The following TENM2 variants were observed in gnomAD, a reference collection of about 807,000 sequenced individuals.
TENM2 encodes the protein teneurin transmembrane protein 2.
TENM2 carries 52 observed loss-of-function variants against 245.2 expected under a neutral mutation model. That is an observed-to-expected ratio of 0.21 (90% CI 0.17 to 0.27). The LOEUF is 0.27. TENM2 is among the 10% of genes least tolerant of loss of function. TENM2 has a pLI of 1.00. For synonymous variants in TENM2, 1,363 were observed against 1,438.9 expected (o/e 0.95, Z 1.19); for missense variants, 3,046 against 3,666.8 (o/e 0.83, Z 4.37).
At chr5:167,841,607 TAAG>T (rs933705605) in intron 2 of TENM2, among the ~76,000 whole-genome samples, 6 of 152,184 alleles carry the variant, frequency 3.9e-5, no homozygotes, top group Non-Finnish European at 7.3e-5. Flanking sequence ...GTGTCTTTCC[TAAG>T]AAGAAGGACA....
chr5:167,831,709 T>G (rs1158314729), intron 2 of TENM2, among the ~76,000 whole-genome samples: 1 of 152,190 alleles, frequency 6.6e-6, no homozygotes, highest in Non-Finnish European at 1.5e-5. Flanking sequence ...TGCAGCAATT[T>G]TCCCAACAGT....
the TENM2 span, among the ~76,000 whole-genome samples, chr5:167,105,118 A>G: frequency 6.6e-6 from 1 of 152,210 alleles, no homozygotes; most frequent in African/African-American, 2.4e-5. Flanking sequence ...GATAAAATGC[A>G]TTTAATTAGG....
At chr5:167,234,038 A>G in the TENM2 span, among the ~76,000 whole-genome samples, 2 of 152,194 alleles carry the variant, frequency 1.3e-5, no homozygotes, top group Admixed American at 6.5e-5. Flanking sequence ...AAGTAAAAGC[A>G]CTTTAAAATG....
the TENM2 span, among the ~76,000 whole-genome samples, chr5:167,051,508 T>A: frequency 6.6e-6 from 1 of 152,134 alleles, no homozygotes; most frequent in Non-Finnish European, 1.5e-5. Context: ...ATTTTGGCTA[T>A]AGTGTTTTCC....
chr5:167,901,603 G>A (rs977399926), intron 3 of TENM2, among the ~76,000 whole-genome samples: 7 of 152,142 alleles, frequency 4.6e-5, no homozygotes, highest in African/African-American at 1.7e-4. Flanking sequence ...ATTGTGAGAA[G>A]GAATAAATTA....
chr5:168,017,027 A>C (rs2152092334), intron 5 of TENM2, among the ~76,000 whole-genome samples: 1 of 152,284 alleles, frequency 6.6e-6, no homozygotes, highest in South Asian at 2.1e-4. Flanking sequence ...ATCTCCTAGA[A>C]GGCACCCTGC....
chr5:167,425,447 T>C (rs568971773), intron 2 of TENM2, among the ~76,000 whole-genome samples: 1 of 152,282 alleles, frequency 6.6e-6, no homozygotes, highest in East Asian at 1.9e-4. Context: ...TAGCACTCAG[T>C]GAGGGCTTAC....
chr5:167,943,451 C>G (rs988245973), intron 3 of TENM2, among the ~76,000 whole-genome samples: 6 of 152,034 alleles, frequency 3.9e-5, no homozygotes, highest in African/African-American at 1.2e-4. Flanking sequence ...AGTTAAAGAC[C>G]TAAAGAATGG....
chr5:167,502,382 A>C (rs1465138490), intron 2 of TENM2, among the ~76,000 whole-genome samples: 1 of 152,170 alleles, frequency 6.6e-6, no homozygotes, highest in African/African-American at 2.4e-5. Context: ...ATGAAAGAGA[A>C]ATGTATTATA....
Position 167,838,285 on chromosome 5 carries a change from G to A in TENM2, c.503-37701G>A, listed in dbSNP as rs560068227. Reference sequence around the variant, plus strand: ...GTATCTTCAAACAAATGTTCCAGCCGAGATATTTATGGGATTCTCTACAGG... The same window carrying A: ...GTATCTTCAAACAAATGTTCCAGCCAAGATATTTATGGGATTCTCTACAGG... On this transcript the variant is annotated intron_variant, in intron 2 of 28. Transcript: ENST00000518659. Among the ~76,000 whole-genome samples, 134 of 152,290 alleles carry A rather than the reference G, an allele frequency of 8.8e-4. 2 individuals carry two copies. The highest frequency in any genetic ancestry group is 2.9e-3 in the African/African-American group (121 of 41,566).
intron 2 of TENM2, among the ~76,000 whole-genome samples, chr5:167,541,907 G>A (rs1772235516): frequency 6.6e-6 from 1 of 152,160 alleles, no homozygotes; most frequent in South Asian, 2.1e-4. Flanking sequence ...ATTGCTTTAG[G>A]GGATTGTTAG....
intron 5 of TENM2, among the ~76,000 whole-genome samples, chr5:168,008,862 G>C (rs537465202): frequency 6.6e-6 from 1 of 152,128 alleles, no homozygotes; most frequent in Non-Finnish European, 1.5e-5. Context: ...TTCTACCAAG[G>C]CTGGCCAGAA....
the TENM2 span, among the ~76,000 whole-genome samples, chr5:166,993,126 A>AT: frequency 6.6e-6 from 1 of 151,854 alleles, no homozygotes; most frequent in Non-Finnish European, 1.5e-5. Flanking sequence ...GCAACTTGCT[A>AT]TTTTGAAATT....
intron 2 of TENM2, among the ~76,000 whole-genome samples, chr5:167,807,211 C>T (rs1458663768): frequency 9.3e-6 from 1 of 107,264 alleles, no homozygotes; most frequent in Non-Finnish European, 1.9e-5. Flanking sequence ...GCTGTCACCT[C>T]CCAGTAGCTG....
chr5:167,184,121 C>T, the TENM2 span, among the ~76,000 whole-genome samples: 1 of 152,186 alleles, frequency 6.6e-6, no homozygotes, highest in African/African-American at 2.4e-5. Context: ...GAGAATTATA[C>T]TAATTCCTGT....
intron 2 of TENM2, among the ~76,000 whole-genome samples, chr5:167,568,157 C>T (rs187974083): frequency 6.6e-6 from 1 of 152,024 alleles, no homozygotes; most frequent in African/African-American, 2.4e-5. Flanking sequence ...TTAAAATGTT[C>T]TCGGCAATGG....
At chr5:168,221,752 T>A (rs1763689546) in intron 23 of TENM2, among the ~76,000 whole-genome samples, 2 of 152,162 alleles carry the variant, frequency 1.3e-5, no homozygotes, top group African/African-American at 4.8e-5. Context: ...TGATTTAGTT[T>A]CATCCCTGAG....
At chr5:167,156,336 T>C in the TENM2 span, among the ~76,000 whole-genome samples, 1 of 152,218 alleles carries the variant, frequency 6.6e-6, no homozygotes, top group Admixed American at 6.5e-5. Flanking sequence ...TCATCTCCTC[T>C]TTCGCCTTAC....
intron 2 of TENM2, among the ~76,000 whole-genome samples, chr5:167,743,723 TA>T (rs1761364810): frequency 6.6e-6 from 1 of 152,148 alleles, no homozygotes; most frequent in Non-Finnish European, 1.5e-5. Flanking sequence ...AAAGTTAAAT[TA>T]TAGCAACTAT....
Sources: allele counts gnomAD v4.1 joint callset (sites outside exome capture counted in the v4.1 genomes callset), GRCh38; gene constraint gnomAD v4.1.1; transcripts MANE v1.5; gene names NCBI Gene and HGNC (gene_info 2026-07-23, HGNC 2026-07-21).